The following KALRN variants were observed in gnomAD, a reference collection of about 807,000 sequenced individuals.
KALRN encodes the protein kalirin.
A neutral mutation model predicts 353.7 loss-of-function variants in KALRN; 70 were observed. The observed-to-expected ratio is 0.20, with a 90% CI of 0.16 to 0.24. The LOEUF (loss-of-function observed/expected upper bound fraction) is 0.24. KALRN is among the 10% of genes least tolerant of loss of function. The pLI is 1.00. For missense variants in KALRN, 2,791 were observed against 3,756.7 expected (o/e 0.74, Z 6.72); for synonymous variants, 1,391 against 1,434.8 (o/e 0.97, Z 0.69).
intron 11 of KALRN, among the ~76,000 whole-genome samples, chr3:124,392,683 C>A (rs1301482027): frequency 6.6e-6 from 1 of 150,386 alleles, no homozygotes; most frequent in Non-Finnish European, 1.5e-5. Context: ...CGGCTCACTG[C>A]AACCTCCGCC....
chr3:124,113,917 G>A (rs1437047434), intron 1 of KALRN, among the ~76,000 whole-genome samples: 3 of 152,220 alleles, frequency 2.0e-5, no homozygotes, highest in African/African-American at 7.2e-5. Flanking sequence ...AACCACTTAA[G>A]GAGAGAAGGA....
intron 6 of KALRN, among the ~76,000 whole-genome samples, chr3:124,310,553 A>T (rs1319705127): frequency 1.3e-5 from 2 of 152,240 alleles, no homozygotes; most frequent in Non-Finnish European, 2.9e-5. Flanking sequence ...TGATACTGGC[A>T]TAAGGACAGA....
At chr3:124,303,396 G>A (rs145305526) in intron 6 of KALRN, among the ~76,000 whole-genome samples, 140 of 152,220 alleles carry the variant, frequency 9.2e-4, no homozygotes, top group African/African-American at 3.1e-3. Flanking sequence ...GCTCTCTGGG[G>A]CCTTCCTCTT....
rs551702302 is a variant in KALRN, at chr3:124,651,001, G to A, written c.5795+63G>A. ...GTGAGTGCGGTGGACAATGGACAAA[G>A]GTTGGGGAAAATTCGAGAGGGGTTC... On this transcript the variant is annotated intron_variant, in intron 38 of 59. Coordinates refer to ENST00000682506, the MANE Select transcript of KALRN (RefSeq NM_001388419.1). The A allele has an allele frequency of 9.4e-6, 15 of 1,592,320 alleles. No homozygotes were observed. In the African/African-American group the frequency reaches 2.0e-4, roughly 22 times the overall value.
At chr3:124,228,168 G>C in intron 2 of KALRN, 104 bp downstream of exon 2, 2 of 943,328 alleles carry the variant, frequency 2.1e-6, no homozygotes, top group Non-Finnish European at 3.5e-6. Flanking sequence ...AGTAGGGGTG[G>C]GGAAGTTATG....
Position 124,700,000 on chromosome 3 carries a change from G to A in KALRN, c.7963G>A (p.Glu2655Lys), listed in dbSNP as rs56320013. Residue 2655 changes from glutamate (E) to lysine (K), a missense_variant, in exon 56 of 60, where the codon GAG becomes AAG. By Grantham distance (56) the Glu-to-Lys change is moderately conservative. This residue lies in a region of KALRN where 188 missense variants were observed against 402.9 expected (regional missense o/e 0.47). Coordinates refer to ENST00000682506, the MANE Select transcript of KALRN (RefSeq NM_001388419.1). ...CCCCTGGGGAATCAGCCTTCCCAGC[G>A]AGCCCTCGGAGTTTGTGCGACTTCC... ...SNPWGISLPSEPSEFVRLPEY... is the reference protein window; with the variant it reads ...SNPWGISLPSKPSEFVRLPEY... The A allele has an allele frequency of 1.3e-3, 2,155 of 1,614,020 alleles. 4 individuals carry two copies. Among genetic ancestry groups the A allele is most frequent in the South Asian group, 2.2e-3 (203 of 91,066 alleles).
chr3:124,040,263 G>A (rs2039836254), intron 1 of KALRN, among the ~76,000 whole-genome samples: 1 of 152,206 alleles, frequency 6.6e-6, no homozygotes, highest in Admixed American at 6.5e-5. Context: ...TGAACTAGAG[G>A]TTCTTCTTAG....
chr3:124,227,363 G>A (rs1217179585), intron 1 of KALRN, among the ~76,000 whole-genome samples: 1 of 152,186 alleles, frequency 6.6e-6, no homozygotes, highest in Non-Finnish European at 1.5e-5. Flanking sequence ...CAATGATGAT[G>A]ACATTGAGGG....
At chr3:124,474,251 A>AT (rs1009413392) in intron 25 of KALRN, among the ~76,000 whole-genome samples, 4 of 152,006 alleles carry the variant, frequency 2.6e-5, no homozygotes, top group African/African-American at 9.7e-5. Flanking sequence ...TGTAGGCTGA[A>AT]TTTTTTTCTA....
intron 4 of KALRN, among the ~76,000 whole-genome samples, chr3:124,265,710 A>G (rs1309430108): frequency 2.0e-5 from 3 of 152,224 alleles, no homozygotes; most frequent in Admixed American, 2.0e-4. Context: ...ATGTTCCTAT[A>G]CAATAGTATA....
chr3:124,623,645 G>T lies in KALRN; in HGVS notation c.5183-8775G>T, dbSNP rs187068407. On this transcript the variant is annotated intron_variant, in intron 34 of 59. Transcript: ENST00000682506. Reference sequence around the variant, plus strand: ...TCTGCCTGCTTTATATTCTAACTGCGCTGGCAGCTGATTAGATGGTGCCCA... The same window carrying T: ...TCTGCCTGCTTTATATTCTAACTGCTCTGGCAGCTGATTAGATGGTGCCCA... Among the ~76,000 whole-genome samples the T allele has an allele frequency of 6.9e-4, 105 of 152,154 alleles. 1 individual carries two copies. The highest frequency in any genetic ancestry group is 3.4e-3 in the Middle Eastern group (1 of 294).
intron 1 of KALRN, among the ~76,000 whole-genome samples, chr3:124,177,937 T>A (rs769950513): frequency 6.6e-6 from 1 of 152,208 alleles, no homozygotes; most frequent in Non-Finnish European, 1.5e-5. Flanking sequence ...ACTTGGTCCA[T>A]GCAAGTGTTT....
At chr3:124,225,337 T>A (rs1039805366) in intron 1 of KALRN, among the ~76,000 whole-genome samples, 21 of 152,380 alleles carry the variant, frequency 1.4e-4, no homozygotes, top group Non-Finnish European at 2.1e-4. Context: ...GAAGAGACTC[T>A]GGAGCAAATC....
chr3:124,123,793 G>A (rs77454556), intron 1 of KALRN, among the ~76,000 whole-genome samples: 3,337 of 152,192 alleles, frequency 0.022, 112 homozygotes, highest in African/African-American at 0.076. Context: ...CCCAAATCCC[G>A]AATCCAAGAA....
chr3:124,521,078 G>C (rs1471879942), intron 33 of KALRN, among the ~76,000 whole-genome samples: 6 of 152,192 alleles, frequency 3.9e-5, no homozygotes, highest in Non-Finnish European at 1.5e-5. Flanking sequence ...GTGCAGACCA[G>C]TGTCCTGCTC....
intron 53 of KALRN, 111 bp from the exon 54 acceptor site, chr3:124,696,023 G>A (rs536340993): frequency 1.8e-4 from 191 of 1,077,704 alleles, no homozygotes; most frequent in Non-Finnish European, 2.3e-4. Flanking sequence ...GACTGACCTC[G>A]GGCCTGAGGA....
intron 51 of KALRN, among the ~76,000 whole-genome samples, chr3:124,682,845 T>C (rs586395): frequency 0.36 from 54,053 of 151,926 alleles, 12,447 homozygotes; most frequent in African/African-American, 0.64. Context: ...TACATCCTTT[T>C]CCTTCCCCTG....
intron 1 of KALRN, among the ~76,000 whole-genome samples, chr3:124,095,635 G>A (rs1381250145): frequency 2.6e-5 from 4 of 152,088 alleles, no homozygotes; most frequent in African/African-American, 9.7e-5. Context: ...TATTTCTCAG[G>A]TTAATCTGAC....
intron 34 of KALRN, among the ~76,000 whole-genome samples, chr3:124,583,194 A>G (rs1213917440): frequency 6.6e-6 from 1 of 152,174 alleles, no homozygotes; most frequent in African/African-American, 2.4e-5. Flanking sequence ...TTCTTCCAGG[A>G]AGGCATTGGT....
Sources: allele counts gnomAD v4.1 joint callset (sites outside exome capture counted in the v4.1 genomes callset), GRCh38; gene constraint gnomAD v4.1.1; regional missense constraint gnomAD v4.1.1; transcripts MANE v1.5; gene names NCBI Gene and HGNC (gene_info 2026-07-23, HGNC 2026-07-21).